Variants in GCC2 observed in about 807,000 individuals in gnomAD.
GCC2 encodes GRIP and coiled-coil domain containing 2.
Under a neutral mutation model 210.6 loss-of-function variants are expected in GCC2, and 120 were observed. The ratio of observed to expected loss-of-function variants is 0.57; its 90% CI spans 0.49 to 0.66. GCC2 has a LOEUF of 0.66. Among genes scored for constraint, GCC2 ranks in the 30% least tolerant of loss-of-function variants. The probability of loss-of-function intolerance (pLI) is 0.00; values close to 1 mark genes in which losing one functional copy is unlikely to be tolerated. For missense variants in GCC2, 1,868 were observed against 1,871.9 expected, an observed-to-expected ratio of 1.00 and a Z score of 0.04; for synonymous variants, 703 against 652.7, an observed-to-expected ratio of 1.08 and a Z score of -1.17.
chr2:108,450,804 C>T (rs1209896227), intron 2 of GCC2, among the ~76,000 whole-genome samples: 3 of 152,086 alleles, frequency 2.0e-5, no homozygotes, highest in African/African-American at 7.2e-5. Context: ...ATTGCTTGAA[C>T]TTGGGAGGCA....
intron 11 of GCC2, 22 bp from the exon 12 acceptor site, chr2:108,483,040 T>A: frequency 8.0e-7 from 1 of 1,246,934 alleles, no homozygotes. Context: ...GTGGTGTGGG[T>A]TGTTTTTATT....
chr2:108,486,732 C>A, intron 16 of GCC2, 84 bp downstream of exon 16: 1 of 1,293,628 alleles, frequency 7.7e-7, no homozygotes, highest in Non-Finnish European at 1.1e-6. Context: ...TGTGCTCTGC[C>A]TTTTTAGTAT....
chr2:108,471,415 A>C lies in GCC2; in HGVS notation c.2086A>C (p.Lys696Gln). The change falls in exon 6 of 23, where the codon AAA (lysine) becomes CAA (glutamine). Residue 696 changes from lysine to glutamine, a missense_variant. Physicochemically the swap from Lys to Gln is moderately conservative, Grantham distance 53. Coordinates refer to ENST00000309863, the MANE Select transcript of GCC2 (RefSeq NM_181453.4). Reference protein sequence around the residue: ...EVKSLYEENNKLSSEKKQLSR... With the variant: ...EVKSLYEENNQLSSEKKQLSR... ...GAAGTCTCTTTATGAGGAAAACAAT[A>C]AACTCAGTTCAGAAAAAAAACAGTT... is the stretch of plus-strand genomic sequence containing the variant. 2.5e-6 allele frequency: 4 copies of C among 1,606,760 alleles called. No homozygotes were observed. In the South Asian group the frequency reaches 4.5e-5, roughly 18 times the overall value.
Position 108,482,318 on chromosome 2 carries a change from T to C in GCC2, c.3212T>C (p.Leu1071Pro), listed in dbSNP as rs764284016. The C allele has an allele frequency of 1.6e-5, 26 of 1,587,580 alleles. No homozygotes were observed. The highest frequency in any genetic ancestry group is 2.1e-5 in the Non-Finnish European group (25 of 1,163,520). ...ACAATAAATTCTGATAATGAAGATC[T>C]CCTGGCTCGTATTGAGACATTACAG... ...CETINSDNED[L>P]LARIETLQSN... Residue 1071 changes from leucine to proline, a missense_variant, in exon 11 of 23, where the codon CTC (leucine) becomes CCC (proline). Physicochemically the swap from Leu to Pro is moderately conservative, Grantham distance 98 (BLOSUM62 -3). This residue lies in a region of GCC2 where 1,847 missense variants were observed against 1,765.2 expected (regional missense o/e 1.05). Transcript: ENST00000309863.
In GCC2 at chr2:108,470,475, C is replaced by G. The variant is rs1048297594; in HGVS notation, c.1146C>G (p.Asp382Glu). Residue 382 changes from aspartate to glutamate, a missense_variant, in exon 6 of 23, where the codon GAC becomes GAG. By Grantham distance (45) the Asp-to-Glu change is conservative (BLOSUM62 2). Around this residue, in one of 3 missense-constraint regions of GCC2, gnomAD observed 1,847 missense variants for 1,765.2 expected, o/e 1.05. Coordinates refer to ENST00000309863, the MANE Select transcript of GCC2 (RefSeq NM_181453.4). Reference protein sequence around the residue: ...IKDEFFHEREDLEFKINELLL... With the variant: ...IKDEFFHEREELEFKINELLL... ...ATGAGTTTTTTCATGAACGGGAAGA[C>G]TTAGAGTTTAAAATTAATGAATTAT... is the stretch of plus-strand genomic sequence containing the variant. The G allele has an allele frequency of 1.2e-6, 2 of 1,608,474 alleles. No homozygotes were observed. The highest frequency in any genetic ancestry group is 1.7e-6 in the Non-Finnish European group (2 of 1,175,754).
chr2:108,507,486 A>AT (rs1345028313), intron 22 of GCC2, 74 bp from the exon 23 acceptor site: 8 of 1,193,362 alleles, frequency 6.7e-6, no homozygotes, highest in Non-Finnish European at 8.1e-6. Context: ...TAAAATATAG[A>AT]TTTTACATTG....
chr2:108,493,422 C>A (rs1682502386), intron 19 of GCC2: 3 of 981,802 alleles, frequency 3.1e-6, no homozygotes, highest in Middle Eastern at 5.2e-4. Flanking sequence ...CACCAGATTT[C>A]TTTCATGTTC....
chr2:108,469,202 G>C (rs199880778), intron 5 of GCC2, 118 bp downstream of exon 5: 1 of 190,224 alleles, frequency 5.3e-6, no homozygotes, highest in Non-Finnish European at 9.2e-6. Context: ...TATAAACAAA[G>C]AAACCGAGAT....
In GCC2 at chr2:108,501,161, A is replaced by AT. The variant is rs1682909667; in HGVS notation, c.4984+1412dup. Among the ~76,000 whole-genome samples, 3 of 151,754 alleles carry AT rather than the reference A, an allele frequency of 2.0e-5. No individual in the cohort carries two copies. In the South Asian group the frequency reaches 6.2e-4, roughly 32 times the overall value. ...CAGATGCACGCCAGCTAATTTTTCT[A>AT]TTTTTAGTAGAGACGAGGTTTCACC... On this transcript the variant is annotated intron_variant, in intron 22 of 22. Coordinates refer to ENST00000309863, the MANE Select transcript of GCC2 (RefSeq NM_181453.4).
chr2:108,483,384 C>T (rs984070363), intron 12 of GCC2, among the ~76,000 whole-genome samples: 8 of 152,108 alleles, frequency 5.3e-5, no homozygotes, highest in East Asian at 1.9e-4. Flanking sequence ...TCACCACACC[C>T]GGCTAATTTT....
intron 2 of GCC2, among the ~76,000 whole-genome samples, chr2:108,450,623 T>G (rs1182897331): frequency 6.6e-6 from 1 of 152,248 alleles, no homozygotes; most frequent in African/African-American, 2.4e-5. Context: ...GGGTCACGCC[T>G]GTAATCCCAA....
intron 7 of GCC2, 197 bp from the exon 8 acceptor site, chr2:108,475,336 CAA>C (rs1392778755): frequency 1.3e-5 from 5 of 379,154 alleles, no homozygotes; most frequent in Admixed American, 4.3e-5. Flanking sequence ...GGATTAAAGA[CAA>C]TGGAAACTTT....
chr2:108,501,165 T>G (rs928987904), intron 22 of GCC2, among the ~76,000 whole-genome samples: 8 of 152,032 alleles, frequency 5.3e-5, no homozygotes, highest in African/African-American at 1.9e-4. Flanking sequence ...TTTTCTATTT[T>G]TAGTAGAGAC....
intron 4 of GCC2, among the ~76,000 whole-genome samples, chr2:108,461,567 G>A (rs1680573040): frequency 1.3e-5 from 2 of 151,792 alleles, no homozygotes; most frequent in African/African-American, 4.8e-5. Flanking sequence ...GTGCAGTGGC[G>A]CAATCTTGGC....
chr2:108,470,565 T>C lies in GCC2; in HGVS notation c.1236T>C (p.Asn412=), dbSNP rs1681142544. 2 of 1,608,040 alleles carry C rather than the reference T, an allele frequency of 1.2e-6. No individual in the cohort carries two copies. Among genetic ancestry groups the C allele is most frequent in the African/African-American group, 1.3e-5 (1 of 74,544 alleles). ...TAAAATCTGAGCTAGCAGGTTTAAA[T>C]AAACAGTTTTGCTATACTGTAGAAC... The part of the protein sequence containing the change: ...EKLKSELAGL[N]KQFCYTVEQH... The change falls in exon 6 of 23, where the codon AAT becomes AAC. Residue 412 remains asparagine, a synonymous_variant. Coordinates refer to ENST00000309863, the MANE Select transcript of GCC2 (RefSeq NM_181453.4).
intron 4 of GCC2, among the ~76,000 whole-genome samples, chr2:108,458,107 T>G (rs960833145): frequency 6.6e-6 from 1 of 152,210 alleles, no homozygotes; most frequent in African/African-American, 2.4e-5. Flanking sequence ...TGTGCCTAGT[T>G]TGCTAAGAGT....
intron 17 of GCC2, among the ~76,000 whole-genome samples, chr2:108,488,510 T>C (rs535612700): frequency 6.6e-6 from 1 of 152,354 alleles, no homozygotes; most frequent in South Asian, 2.1e-4. Context: ...AGCATACTTA[T>C]TTGCCATTAA....
chr2:108,470,171 T>C lies in GCC2; in HGVS notation c.842T>C (p.Val281Ala). 6.2e-7 allele frequency: 1 copy of C among 1,613,458 alleles called. No individual in the cohort carries two copies. The highest frequency in any genetic ancestry group is 8.5e-7 in the Non-Finnish European group (1 of 1,179,786). Residue 281 changes from valine (V) to alanine (A), a missense_variant, in exon 6 of 23, where the codon GTA becomes GCA. Physicochemically the swap from Val to Ala is moderately conservative, Grantham distance 64. Coordinates refer to ENST00000309863, the MANE Select transcript of GCC2 (RefSeq NM_181453.4). ...TTGAACGAGCTAAAAGAGAACTTAGTAAAACAATGTGAGGCAAGTGAAAAG... is the reference window on the plus strand; with the variant it reads ...TTGAACGAGCTAAAAGAGAACTTAGCAAAACAATGTGAGGCAAGTGAAAAG... ...NKLNELKENLVKQCEASEKNI... is the reference protein window; with the variant it reads ...NKLNELKENLAKQCEASEKNI...
At chr2:108,457,631 G>T (rs538072890) in intron 4 of GCC2, among the ~76,000 whole-genome samples, 1 of 152,190 alleles carries the variant, frequency 6.6e-6, no homozygotes, top group South Asian at 2.1e-4. Context: ...CTGCTTATTT[G>T]TGTTCTCTTC....
Sources: gnomAD v4.1 joint callset for allele counts (sites outside exome capture counted in the v4.1 genomes callset) on GRCh38, gnomAD v4.1.1 for gene constraint, gnomAD v4.1.1 regional missense constraint, MANE v1.5 for transcripts, NCBI Gene and HGNC (gene_info 2026-07-23, HGNC 2026-07-21) for gene names.